Variants in PLA2G4A observed in about 807,000 individuals in gnomAD.
PLA2G4A encodes the protein phospholipase A2 group IVA.
Under a neutral mutation model 81.9 loss-of-function variants are expected in PLA2G4A, and 40 were observed. The observed-to-expected ratio is 0.49, with a 90% CI of 0.38 to 0.64. The LOEUF is 0.64. Ranked by LOEUF, PLA2G4A falls within the 30% of genes least tolerant of loss-of-function variation. The pLI, the probability that PLA2G4A is intolerant of heterozygous loss-of-function variation, is 0.00. For synonymous variants in PLA2G4A, 302 were observed against 296.9 expected (o/e 1.02, Z -0.18); for missense variants, 715 against 905.1 (o/e 0.79, Z 2.69).
chr1:186,908,467 A>G (rs1392409025), intron 6 of PLA2G4A, among the ~76,000 whole-genome samples: 1 of 151,946 alleles, frequency 6.6e-6, no homozygotes, highest in Non-Finnish European at 1.5e-5. Flanking sequence ...CTAATCACTT[A>G]TTTACTCACT....
chr1:186,961,094 A>G (rs536879400), intron 14 of PLA2G4A, among the ~76,000 whole-genome samples: 1 of 152,262 alleles, frequency 6.6e-6, no homozygotes, highest in African/African-American at 2.4e-5. Context: ...GACAGACACT[A>G]CATGATCTCA....
At chr1:186,968,186 CACCTTAATGAGTTGG>C in intron 15 of PLA2G4A, among the ~76,000 whole-genome samples, 1 of 152,104 alleles carries the variant, frequency 6.6e-6, no homozygotes, top group East Asian at 1.9e-4. Context: ...AGGGCTCCAC[CACCTTAATGAGTTGG>C]AGGAGGTTTT....
intron 3 of PLA2G4A, among the ~76,000 whole-genome samples, chr1:186,872,054 A>C (rs1283983641): frequency 6.6e-6 from 1 of 152,116 alleles, no homozygotes; most frequent in Non-Finnish European, 1.5e-5. Context: ...AGAATCTAAC[A>C]GCAAGAGTTT....
intron 1 of PLA2G4A, among the ~76,000 whole-genome samples, chr1:186,844,237 T>C (rs1652090439): frequency 1.3e-5 from 2 of 152,224 alleles, no homozygotes; most frequent in African/African-American, 2.4e-5. Context: ...AAGCATCTCA[T>C]TTACCCATCT....
At chr1:186,863,578 A>G (rs564149886) in intron 2 of PLA2G4A, among the ~76,000 whole-genome samples, 1 of 152,080 alleles carries the variant, frequency 6.6e-6, no homozygotes, top group African/African-American at 2.4e-5. Context: ...ATAGAACACC[A>G]GTACTTATTT....
intron 5 of PLA2G4A, among the ~76,000 whole-genome samples, chr1:186,901,274 G>A (rs914970162): frequency 6.6e-6 from 1 of 152,040 alleles, no homozygotes; most frequent in Non-Finnish European, 1.5e-5. Flanking sequence ...TTTTTATTTT[G>A]GGTCACTAAC....
chr1:186,894,269 T>C (rs1654257958), intron 5 of PLA2G4A, 58 bp downstream of exon 5: 1 of 783,874 alleles, frequency 1.3e-6, no homozygotes, highest in Non-Finnish European at 2.3e-6. Context: ...CTATTGATTC[T>C]GGGAAGTTGG....
intron 3 of PLA2G4A, among the ~76,000 whole-genome samples, chr1:186,878,694 A>T (rs1653611427): frequency 6.6e-6 from 1 of 151,864 alleles, no homozygotes; most frequent in Non-Finnish European, 1.5e-5. Context: ...TTATGAATAC[A>T]GTTAATCCTT....
intron 6 of PLA2G4A, among the ~76,000 whole-genome samples, chr1:186,908,875 T>C (rs1203287747): frequency 6.6e-6 from 1 of 151,398 alleles, no homozygotes; most frequent in Non-Finnish European, 1.5e-5. Flanking sequence ...TAAATTTAAG[T>C]AGTGATTACC....
At chr1:186,857,765 CT>C (rs751347139) in intron 2 of PLA2G4A, among the ~76,000 whole-genome samples, 6 of 151,784 alleles carry the variant, frequency 4.0e-5, no homozygotes, top group Non-Finnish European at 7.4e-5. Flanking sequence ...CCCCACACCC[CT>C]GACAGGCGTT....
rs547229676 is a variant in PLA2G4A at position 186,925,785 on chromosome 1, T to TA, written c.559-6971dup. On this transcript the variant is annotated intron_variant, in intron 7 of 17. Transcript: ENST00000367466. ...TCTCAGCATTTCCCATGGTTGTACTTAAAAAAATTCTTGTAAAAATATTTA... is the reference window on the plus strand; with the variant it reads ...TCTCAGCATTTCCCATGGTTGTACTTAAAAAAAATTCTTGTAAAAATATTTA... Among the ~76,000 whole-genome samples, 1,163 of 152,332 alleles carry TA rather than the reference T, an allele frequency of 7.6e-3. 8 individuals carry two copies. The highest frequency in any genetic ancestry group is 0.02 in the Middle Eastern group (6 of 294).
chr1:186,894,974 C>T (rs868163891), intron 5 of PLA2G4A, among the ~76,000 whole-genome samples: 3 of 152,062 alleles, frequency 2.0e-5, no homozygotes, highest in African/African-American at 4.8e-5. Context: ...TGTGTCTCTG[C>T]GCATCTTTAG....
chr1:186,829,871 G>A (rs905546167), intron 1 of PLA2G4A, among the ~76,000 whole-genome samples: 1 of 152,216 alleles, frequency 6.6e-6, no homozygotes, highest in African/African-American at 2.4e-5. Context: ...GGTTGATGAT[G>A]TCAGCATTTA....
At chr1:186,867,403 T>C (rs1002771765) in intron 2 of PLA2G4A, among the ~76,000 whole-genome samples, 3 of 152,176 alleles carry the variant, frequency 2.0e-5, no homozygotes, top group Admixed American at 1.3e-4. Context: ...TTCTTCCTCA[T>C]ATAGATCTTC....
chr1:186,837,940 T>G (rs990188445), intron 1 of PLA2G4A, among the ~76,000 whole-genome samples: 1 of 151,840 alleles, frequency 6.6e-6, no homozygotes, highest in African/African-American at 2.4e-5. Flanking sequence ...GGAACCCAAG[T>G]GCACCTGCAG....
chr1:186,894,077 G>A (rs1357646184), intron 4 of PLA2G4A, 21 bp from the exon 5 acceptor site: 1 of 910,280 alleles, frequency 1.1e-6, no homozygotes, highest in South Asian at 1.3e-5. Flanking sequence ...TTATTTTTGT[G>A]CTTTACATTT....
chr1:186,844,924 G>GGAGGCC (rs1442273220), intron 1 of PLA2G4A, among the ~76,000 whole-genome samples: 1 of 152,076 alleles, frequency 6.6e-6, no homozygotes, highest in Non-Finnish European at 1.5e-5. Flanking sequence ...CCTCACTTTG[G>GGAGGCC]GAGGCCAAGG....
intron 1 of PLA2G4A, among the ~76,000 whole-genome samples, chr1:186,851,138 AATGGTGTTTTC>A (rs1336891280): frequency 1.3e-5 from 2 of 152,016 alleles, no homozygotes; most frequent in African/African-American, 4.8e-5. Context: ...TCCCATAACC[AATGGTGTTTTC>A]ACCAAATTAT....
chr1:186,906,910 G>T (rs925634342), intron 5 of PLA2G4A, 55 bp from the exon 6 acceptor site: 1 of 868,572 alleles, frequency 1.2e-6, no homozygotes, highest in Admixed American at 2.0e-5. Context: ...TTGTTTCCAT[G>T]ATATAAACAC....
Sources: gnomAD v4.1 joint callset for allele counts (sites outside exome capture counted in the v4.1 genomes callset) on GRCh38, gnomAD v4.1.1 for gene constraint, MANE v1.5 for transcripts, NCBI Gene and HGNC (gene_info 2026-07-23, HGNC 2026-07-21) for gene names.